EHBP1: variants seen among roughly 807,000 people sequenced by gnomAD.
EHBP1 encodes EH domain binding protein 1.
Under a neutral mutation model 144.0 loss-of-function variants are expected in EHBP1, and 55 were observed. The ratio of observed to expected loss-of-function variants is 0.38; its 90% CI spans 0.31 to 0.48. EHBP1 has a LOEUF of 0.48. Ranked by LOEUF, EHBP1 falls within the 20% of genes least tolerant of loss-of-function variation. The pLI is 0.98. For synonymous variants in EHBP1, 469 were observed against 472.7 expected, an observed-to-expected ratio of 0.99 and a Z score of 0.10; for missense variants, 1,200 against 1,364.2, an observed-to-expected ratio of 0.88 and a Z score of 1.90.
Position 62,955,495 on chromosome 2 carries a change from A to G in EHBP1, c.2317-22A>G, listed in dbSNP as rs1553487340. 3.8e-6 allele frequency: 6 copies of G among 1,591,516 alleles called. No homozygotes were observed. The East Asian group carries it at 6.7e-5, about 18-fold the overall frequency. On this transcript the variant is annotated intron_variant, in intron 13 of 22. Transcript: ENST00000431489. ...TTACCCGTTTTTTTTTTGGCTTCTAATTCTGTATCTTTGCTTTTAAGCATC... is the reference window on the plus strand; with the variant it reads ...TTACCCGTTTTTTTTTTGGCTTCTAGTTCTGTATCTTTGCTTTTAAGCATC...
At chr2:62,790,826 C>G (rs889554614) in intron 5 of EHBP1, among the ~76,000 whole-genome samples, 1 of 152,028 alleles carries the variant, frequency 6.6e-6, no homozygotes, top group Non-Finnish European at 1.5e-5. Context: ...GAGTACAACC[C>G]TATTCAATTA....
chr2:62,973,054 G>A (rs942574753), intron 14 of EHBP1, among the ~76,000 whole-genome samples: 2 of 152,130 alleles, frequency 1.3e-5, no homozygotes, highest in Admixed American at 1.3e-4. Flanking sequence ...AGTATTTAGA[G>A]TTGGTTTTAT....
At chr2:62,743,955 C>G (rs145867504) in intron 2 of EHBP1, among the ~76,000 whole-genome samples, 2 of 152,186 alleles carry the variant, frequency 1.3e-5, no homozygotes, top group Non-Finnish European at 2.9e-5. Context: ...CAATATGAGA[C>G]AAAGCATGCC....
At chr2:62,860,146 T>G (rs149765592) in intron 8 of EHBP1, among the ~76,000 whole-genome samples, 5 of 152,258 alleles carry the variant, frequency 3.3e-5, no homozygotes, top group African/African-American at 1.2e-4. Context: ...ATTCATGAGT[T>G]TTTTATTTTG....
intron 4 of EHBP1, among the ~76,000 whole-genome samples, chr2:62,768,753 C>T (rs771729407): frequency 2.6e-5 from 4 of 152,118 alleles, no homozygotes; most frequent in African/African-American, 7.2e-5. Flanking sequence ...AACATCGATG[C>T]AAGAATCCTC....
chr2:62,711,444 G>T (rs1368002018), intron 2 of EHBP1, among the ~76,000 whole-genome samples: 1 of 152,176 alleles, frequency 6.6e-6, no homozygotes, highest in African/African-American at 2.4e-5. Flanking sequence ...GGGAGGAAAA[G>T]GTTTGGTGTG....
chr2:63,011,648 T>G (rs1198748819), intron 19 of EHBP1, among the ~76,000 whole-genome samples: 1 of 151,948 alleles, frequency 6.6e-6, no homozygotes, highest in African/African-American at 2.4e-5. Flanking sequence ...AGAAAATATA[T>G]TTTAAACATG....
Position 62,733,370 on chromosome 2 carries a change from C to T in EHBP1, c.105-14025C>T, listed in dbSNP as rs556778739. Among the ~76,000 whole-genome samples the T allele has an allele frequency of 9.9e-5, 15 of 152,228 alleles. No individual in the cohort carries two copies. In the East Asian group the frequency reaches 2.7e-3, roughly 27 times the overall value. On this transcript the variant is annotated intron_variant, in intron 2 of 22. Transcript: ENST00000431489. ...TTGTAGTTTCTCTAGAGATTTCTTC[C>T]TAACTGAGGTCTGAGTTGGATAGTT...
intron 5 of EHBP1, among the ~76,000 whole-genome samples, chr2:62,802,243 G>T (rs374767837): frequency 6.6e-6 from 1 of 152,018 alleles, no homozygotes; most frequent in African/African-American, 2.4e-5. Context: ...TTTTTTCCCC[G>T]GGGGAATATT....
intron 10 of EHBP1, among the ~76,000 whole-genome samples, chr2:62,909,121 A>G (rs2152970344): frequency 6.6e-6 from 1 of 152,256 alleles, no homozygotes; most frequent in African/African-American, 2.4e-5. Context: ...TGTTACATGA[A>G]TATATTGTGT....
Position 62,735,938 on chromosome 2 carries a change from T to C in EHBP1, c.105-11457T>C, listed in dbSNP as rs537453440. ...TTATTTCCTCTGGCTTTTTTCAGGA[T>C]TTTTTTATCTTTGATTTTCTGTAGT... On this transcript the variant is annotated intron_variant, in intron 2 of 22. Transcript: ENST00000431489. Among the ~76,000 whole-genome samples the C allele has an allele frequency of 1.3e-5, 2 of 152,154 alleles. 1 individual carries two copies. The highest frequency in any genetic ancestry group is 4.1e-4 in the South Asian group (2 of 4,826).
chr2:62,737,517 T>G (rs948196266), intron 2 of EHBP1, among the ~76,000 whole-genome samples: 3 of 152,214 alleles, frequency 2.0e-5, no homozygotes, highest in Non-Finnish European at 2.9e-5. Flanking sequence ...ATTCACCTGC[T>G]AATCTCTCTA....
intron 19 of EHBP1, among the ~76,000 whole-genome samples, chr2:63,007,087 T>C (rs1332089375): frequency 6.6e-6 from 1 of 151,846 alleles, no homozygotes; most frequent in East Asian, 1.9e-4. Context: ...GAAGATTACA[T>C]CCACACTAGC....
intron 7 of EHBP1, among the ~76,000 whole-genome samples, chr2:62,858,132 T>G (rs2049217412): frequency 6.6e-6 from 1 of 152,222 alleles, no homozygotes; most frequent in African/African-American, 2.4e-5. Flanking sequence ...TGTCAACTTC[T>G]CGGGTTATTA....
intron 1 of EHBP1, among the ~76,000 whole-genome samples, chr2:62,695,293 C>T (rs781001582): frequency 4.6e-5 from 7 of 151,884 alleles, no homozygotes; most frequent in African/African-American, 1.2e-4. Flanking sequence ...ACCAGGAGGT[C>T]GAGGCTGCAG....
chr2:62,998,683 C>T (rs2059735981), intron 19 of EHBP1, among the ~76,000 whole-genome samples: 1 of 152,140 alleles, frequency 6.6e-6, no homozygotes, highest in African/African-American at 2.4e-5. Context: ...GGCCCCATTC[C>T]AACCATAGAT....
At chr2:62,688,905 A>T (rs2033811110) in intron 1 of EHBP1, among the ~76,000 whole-genome samples, 1 of 152,182 alleles carries the variant, frequency 6.6e-6, no homozygotes, top group Admixed American at 6.5e-5. Context: ...GCAGGACTAC[A>T]TGCAAGTTTT....
intron 5 of EHBP1, among the ~76,000 whole-genome samples, chr2:62,812,598 G>A (rs552397859): frequency 6.6e-6 from 1 of 152,084 alleles, no homozygotes; most frequent in Non-Finnish European, 1.5e-5. Flanking sequence ...AGGGAAATGA[G>A]GAAGAAGGTA....
intron 13 of EHBP1, 117 bp from the exon 14 acceptor site, chr2:62,955,400 C>T (rs2057634478): frequency 1.0e-6 from 1 of 972,938 alleles, no homozygotes; most frequent in Non-Finnish European, 1.5e-6. Context: ...TCTCATGAAG[C>T]TACAATCTTA....
Sources: gnomAD v4.1 joint callset for allele counts (sites outside exome capture counted in the v4.1 genomes callset) on GRCh38, gnomAD v4.1.1 for gene constraint, MANE v1.5 for transcripts, NCBI Gene and HGNC (gene_info 2026-07-23, HGNC 2026-07-21) for gene names.